HIGD1B: variants seen among roughly 807,000 people sequenced by gnomAD.
The protein encoded by HIGD1B is HIG1 domain family member 1B.
HIGD1B carries 9 observed loss-of-function variants against 8.8 expected under a neutral mutation model. The observed-to-expected ratio is 1.02, with a 90% confidence interval of 0.62 to 1.78. The LOEUF is 1.78. HIGD1B is among the 40% of genes most tolerant of loss of function. The pLI is 0.00. For missense variants in HIGD1B, 126 were observed against 111.8 expected (o/e 1.13, Z -0.57); for synonymous variants, 47 against 38.8 (o/e 1.21, Z -0.78).
upstream of HIGD1B, among the ~76,000 whole-genome samples, chr17:44,845,348 C>T (rs1227569040): frequency 6.6e-6 from 1 of 151,868 alleles, no homozygotes; most frequent in Non-Finnish European, 1.5e-5. Context: ...GTGAGCATCA[C>T]CCCATAGGTA....
Position 44,850,358 on chromosome 17 carries a change from T to TA in HIGD1B, c.263dup (p.Tyr88Ter), listed in dbSNP as rs1412168336. 2.5e-6 allele frequency: 4 copies of TA among 1,613,498 alleles called. No homozygotes were observed. The highest frequency in any genetic ancestry group is 3.4e-6 in the Non-Finnish European group (4 of 1,179,638). ...LGAVYTMYSD[Y>*]VKRMAQDAGE... ...TGCTGTGTACACAATGTACAGCGAT[T>TA]ACGTCAAGAGGATGGCACAGGATGC... The change falls in exon 3 of 3, where the codon TAC (tyrosine) becomes TAAC (stop). Residue 88 changes from tyrosine (Y) to a stop codon, truncating the protein, a stop_gained and frameshift_variant. Transcript: ENST00000253410. LOFTEE classifies it high-confidence loss of function.
chr17:44,849,369 A>G lies in HIGD1B; in HGVS notation c.216A>G (p.Ala72=), dbSNP rs2050385224. 2 of 1,613,950 alleles carry G rather than the reference A, an allele frequency of 1.2e-6. No individual in the cohort carries two copies. The highest frequency in any genetic ancestry group is 1.3e-5 in the African/African-American group (1 of 74,904). The change falls in exon 2 of 3, where the codon GCA becomes GCG. Residue 72 remains alanine, a synonymous_variant. Transcript: ENST00000253410. ...CCCGAGTGGCAGCGCAGGCCTGTGCAGTGGGTGCAATCATGCTAGGTGAGT... is the reference window on the plus strand; with the variant it reads ...CCCGAGTGGCAGCGCAGGCCTGTGCGGTGGGTGCAATCATGCTAGGTGAGT... ...IHTRVAAQAC[A]VGAIMLGAVY... is the part of the protein sequence containing the mutation.
At chr17:44,850,280 G>A (rs1015369512) in intron 2 of HIGD1B, 52 bp from the exon 3 acceptor site, 1 of 1,477,702 alleles carries the variant, frequency 6.8e-7, no homozygotes, top group Non-Finnish European at 9.3e-7. Context: ...AGAGCCAGAG[G>A]ACGGGTGAAG....
In HIGD1B at chr17:44,848,194, A is replaced by T. The variant is rs759584883; in HGVS notation, c.42A>T (p.Glu14Asp). The change falls in exon 1 of 3, where the codon GAA becomes GAT. Residue 14 changes from glutamate (E) to aspartate (D), a missense_variant. Coordinates refer to ENST00000253410, the MANE Select transcript of HIGD1B (RefSeq NM_016438.4). ...GCTGGTGGGTACCACCTGACGACGA[A>T]GACTGTGTGTCTGAGAAGCTCCTGA... Reference protein sequence around the residue: ...NRRWWVPPDDEDCVSEKLLRK... With the variant: ...NRRWWVPPDDDDCVSEKLLRK... The T allele has an allele frequency of 2.9e-5, 25 of 872,832 alleles. No homozygotes were observed. The African/African-American group carries it at 3.4e-4, about 12-fold the overall frequency. The allele number at this position is 872,832 out of a possible 1,614,324, so 54.1% of individuals were successfully genotyped here.
Position 44,849,361 on chromosome 17 carries a change from G to A in HIGD1B, c.208G>A (p.Ala70Thr). 4 of 1,614,174 alleles carry A rather than the reference G, an allele frequency of 2.5e-6. No homozygotes were observed. The highest frequency in any genetic ancestry group is 3.4e-6 in the Non-Finnish European group (4 of 1,180,020). Residue 70 changes from alanine (A) to threonine (T), a missense_variant, in exon 2 of 3, where the codon GCC (alanine) becomes ACC (threonine). Coordinates refer to ENST00000253410, the MANE Select transcript of HIGD1B (RefSeq NM_016438.4). ...HLIHTRVAAQ[A>T]CAVGAIMLGA... ...GATTCACACCCGAGTGGCAGCGCAG[G>A]CCTGTGCAGTGGGTGCAATCATGCT... is the stretch of plus-strand genomic sequence containing the variant.
chr17:44,850,137 A>G, intron 2 of HIGD1B, 195 bp from the exon 3 acceptor site: 1 of 545,966 alleles, frequency 1.8e-6, no homozygotes, highest in Non-Finnish European at 3.3e-6. Flanking sequence ...GTGTTTCGTG[A>G]ACTGTCAGAT....
upstream of HIGD1B, among the ~76,000 whole-genome samples, chr17:44,845,300 G>A (rs1665850891): frequency 6.7e-6 from 1 of 150,362 alleles, no homozygotes; most frequent in Admixed American, 6.6e-5. Context: ...GAGTACAGAA[G>A]AGCCCTAATC....
upstream of HIGD1B, among the ~76,000 whole-genome samples, chr17:44,845,932 GAA>G (rs879399039): frequency 7.0e-6 from 1 of 141,862 alleles, no homozygotes; most frequent in Non-Finnish European, 1.5e-5. Flanking sequence ...CTCCATCTCG[GAA>G]AAAAAAAAAA....
chr17:44,848,956 G>C, intron 1 of HIGD1B: 2 of 280,674 alleles, frequency 7.1e-6, no homozygotes, highest in Non-Finnish European at 1.4e-5. Flanking sequence ...TGTACTTTTA[G>C]TAGAGACTGG....
At chr17:44,848,304 C>T (rs1197464489) in intron 1 of HIGD1B, 52 bp downstream of exon 1, 4 of 837,960 alleles carry the variant, frequency 4.8e-6, no homozygotes, top group Non-Finnish European at 6.3e-6. Context: ...TCTGTCATGT[C>T]TCCTGGTACC....
chr17:44,850,284 G>C, intron 2 of HIGD1B, 48 bp from the exon 3 acceptor site: 1 of 1,506,930 alleles, frequency 6.6e-7, no homozygotes, highest in Non-Finnish European at 9.1e-7. Flanking sequence ...CCAGAGGACG[G>C]GTGAAGGGTT....
At position 44,849,059 on chromosome 17, in the gene HIGD1B, A is replaced by C. The variant is rs1179306345; in HGVS notation, c.101-195A>C. 8 of 560,558 alleles carry C rather than the reference A, an allele frequency of 1.4e-5. No individual in the cohort carries two copies. The South Asian group carries it at 1.7e-4, about 12-fold the overall frequency. 34.7% of individuals were successfully genotyped at this position (560,558 alleles called of 1,614,324 possible). A position where few individuals can be genotyped will look rare whatever the true frequency, so the allele number is the denominator to read the frequency against. On this transcript the variant is annotated intron_variant, in intron 1 of 2. Coordinates refer to ENST00000253410, the MANE Select transcript of HIGD1B (RefSeq NM_016438.4). Reference sequence around the variant, plus strand: ...CAAAAGTGCTGGGATTACAGGCGTGAGCCACCATGCCCCGGCAACAACTCA... The same window carrying C: ...CAAAAGTGCTGGGATTACAGGCGTGCGCCACCATGCCCCGGCAACAACTCA...
In HIGD1B at chr17:44,848,132, C is replaced by T. The variant is rs1388263201; in HGVS notation, c.-21C>T. 1.1e-6 allele frequency: 1 copy of T among 869,790 alleles called. No homozygotes were observed. Among genetic ancestry groups the T allele is most frequent in the South Asian group, 1.3e-5 (1 of 76,256 alleles). The allele number at this position is 869,790 out of a possible 1,614,324, so 53.9% of individuals were successfully genotyped here. ...GGCTGCAGCATAGGAGTCTCAGCTG[C>T]TTACATCCAGGTCCAGGATTATGTC... On this transcript the variant is annotated 5_prime_UTR_variant, in exon 1 of 3. Transcript: ENST00000253410.
intron 2 of HIGD1B, chr17:44,850,029 G>A (rs1452377083): frequency 2.8e-5 from 8 of 288,854 alleles, no homozygotes; most frequent in Middle Eastern, 1.1e-3. Context: ...TTCTCACTGA[G>A]CCTCAGTTTC....
In HIGD1B at chr17:44,849,356, C is replaced by T. The variant is rs758577278; in HGVS notation, c.203C>T (p.Ala68Val). 48 of 1,613,430 alleles carry T rather than the reference C, an allele frequency of 3.0e-5. No individual in the cohort carries two copies. The highest frequency in any genetic ancestry group is 3.8e-5 in the Non-Finnish European group (45 of 1,179,962). The change falls in exon 2 of 3, where the codon GCG (alanine) becomes GTG (valine). Residue 68 changes from alanine (A) to valine (V), a missense_variant. Coordinates refer to ENST00000253410, the MANE Select transcript of HIGD1B (RefSeq NM_016438.4). ...SIHLIHTRVA[A>V]QACAVGAIML... ...CACCTGATTCACACCCGAGTGGCAG[C>T]GCAGGCCTGTGCAGTGGGTGCAATC...
Position 44,848,175 on chromosome 17 carries a change from G to A in HIGD1B, c.23G>A (p.Trp8Ter), listed in dbSNP as rs572095901. The A allele has an allele frequency of 3.9e-5, 34 of 872,832 alleles. No individual in the cohort carries two copies. In the South Asian group the frequency reaches 3.9e-4, roughly 10 times the overall value. 54.1% of individuals were successfully genotyped at this position (872,832 alleles called of 1,614,324 possible). A position where few individuals can be genotyped will look rare whatever the true frequency, so the allele number is the denominator to read the frequency against. Residue 8 changes from tryptophan to a stop codon, truncating the protein, a stop_gained, in exon 1 of 3, where the codon TGG becomes TAG. Transcript: ENST00000253410. LOFTEE classifies it high-confidence loss of function. ...ATTATGTCTGCTAACAGACGCTGGT[G>A]GGTACCACCTGACGACGAAGACTGT... MSANRRW[W>*]VPPDDEDCVS...
rs759584883 is a variant in HIGD1B at position 44,848,194 on chromosome 17, A to G, written c.42A>G (p.Glu14=). 1 of 872,950 alleles carries G rather than the reference A, an allele frequency of 1.1e-6. No individual in the cohort carries two copies. The highest frequency in any genetic ancestry group is 1.7e-5 in the Admixed American group (1 of 59,186). The allele number at this position is 872,950 out of a possible 1,614,324, so 54.1% of individuals were successfully genotyped here. Residue 14 remains glutamate, a synonymous_variant, in exon 1 of 3, where the codon GAA becomes GAG. Coordinates refer to ENST00000253410, the MANE Select transcript of HIGD1B (RefSeq NM_016438.4). ...NRRWWVPPDD[E]DCVSEKLLRK... Reference sequence around the variant, plus strand: ...GCTGGTGGGTACCACCTGACGACGAAGACTGTGTGTCTGAGAAGCTCCTGA... The same window carrying G: ...GCTGGTGGGTACCACCTGACGACGAGGACTGTGTGTCTGAGAAGCTCCTGA...
chr17:44,848,338 T>G (rs1362509039), intron 1 of HIGD1B, 86 bp downstream of exon 1: 4 of 755,262 alleles, frequency 5.3e-6, no homozygotes, highest in Non-Finnish European at 9.4e-6. Flanking sequence ...GAAGCAGAGG[T>G]CAGAAAACTC....
At position 44,850,471 on chromosome 17, in the gene HIGD1B, G is replaced by A; in HGVS notation, c.*75G>A. ...TACATTCCTAATAAAGCAGTTTTGA[G>A]GAAAATCAACAGACTCTTTTTCACT... is the stretch of plus-strand genomic sequence containing the variant. On this transcript the variant is annotated 3_prime_UTR_variant, in exon 3 of 3. Coordinates refer to ENST00000253410, the MANE Select transcript of HIGD1B (RefSeq NM_016438.4). The A allele has an allele frequency of 8.7e-7, 1 of 1,144,544 alleles. No individual in the cohort carries two copies. Among genetic ancestry groups the A allele is most frequent in the Non-Finnish European group, 1.3e-6 (1 of 769,758 alleles). 70.9% of individuals were successfully genotyped at this position (1,144,544 alleles called of 1,614,324 possible). A position where few individuals can be genotyped will look rare whatever the true frequency, so the allele number is the denominator to read the frequency against.
Sources: gnomAD v4.1 joint callset for allele counts (sites outside exome capture counted in the v4.1 genomes callset) on GRCh38, gnomAD v4.1.1 for gene constraint, MANE v1.5 for transcripts, NCBI Gene and HGNC (gene_info 2026-07-23, HGNC 2026-07-21) for gene names.